AP1G1: variants seen among roughly 807,000 people sequenced by gnomAD.
AP1G1 encodes the protein AP-1 complex subunit gamma-1.
AP1G1 carries 7 observed loss-of-function variants against 108.3 expected under a neutral mutation model. That is an observed-to-expected ratio of 0.06 (90% confidence interval 0.04 to 0.12). AP1G1 has a LOEUF of 0.12. AP1G1 is among the 10% of genes least tolerant of loss of function. AP1G1 has a pLI of 1.00. For missense variants in AP1G1, 756 were observed against 1,010.7 expected (o/e 0.75, Z 3.42); for synonymous variants, 379 against 353.5 (o/e 1.07, Z -0.81).
chr16:71,799,190 G>A (rs1325186985), intron 1 of AP1G1, among the ~76,000 whole-genome samples: 1 of 152,146 alleles, frequency 6.6e-6, no homozygotes, highest in Non-Finnish European at 1.5e-5. Flanking sequence ...ATATGGAGAA[G>A]TTACTGCTAT....
chr16:71,745,690 G>T, intron 17 of AP1G1, 76 bp from the exon 18 acceptor site: 3 of 1,275,418 alleles, frequency 2.4e-6, no homozygotes, highest in South Asian at 1.2e-5. Flanking sequence ...CATTAACTAT[G>T]TTGAGCCCAA....
chr16:71,745,567 T>C lies in AP1G1; in HGVS notation c.1778A>G (p.Asn593Ser). The C allele has an allele frequency of 6.2e-7, 1 of 1,614,196 alleles. No individual in the cohort carries two copies. The highest frequency in any genetic ancestry group is 8.5e-7 in the Non-Finnish European group (1 of 1,180,026). The change falls in exon 18 of 23, where the codon AAT (asparagine) becomes AGT (serine). Residue 593 changes from asparagine (N) to serine (S), a missense_variant. Asn to Ser is a conservative substitution (Grantham distance 46). Transcript: ENST00000299980. ...RMPVMEKVTTNGPTEIVQTNG... is the reference protein window; with the variant it reads ...RMPVMEKVTTSGPTEIVQTNG... ...TGTCTGCACAATCTCAGTAGGGCCATTTGTGGTCACTTTTTCCATGACAGG... is the reference window on the plus strand; with the variant it reads ...TGTCTGCACAATCTCAGTAGGGCCACTTGTGGTCACTTTTTCCATGACAGG...
chr16:71,750,059 T>G (rs2030404143), intron 14 of AP1G1, 76 bp from the exon 15 acceptor site: 2 of 1,492,568 alleles, frequency 1.3e-6, no homozygotes, highest in Non-Finnish European at 1.9e-6. Context: ...ATAGGTCATC[T>G]CATAATAAAG....
intron 21 of AP1G1, among the ~76,000 whole-genome samples, chr16:71,738,090 C>T (rs1208888363): frequency 6.6e-6 from 1 of 152,222 alleles, no homozygotes; most frequent in Non-Finnish European, 1.5e-5. Context: ...CTCTGTCACC[C>T]AGGCTGGAGT....
chr16:71,793,544 A>G (rs1406126305), intron 1 of AP1G1, among the ~76,000 whole-genome samples: 2 of 152,212 alleles, frequency 1.3e-5, no homozygotes, highest in African/African-American at 4.8e-5. Context: ...CAAATAAATA[A>G]AAACCTATAT....
At chr16:71,756,951 C>G (rs531678155) in intron 11 of AP1G1, among the ~76,000 whole-genome samples, 115 of 143,046 alleles carry the variant, frequency 8.0e-4, no homozygotes, top group Non-Finnish European at 1.1e-3. Flanking sequence ...AAAAAAAATT[C>G]AAAGGGAAAA....
At chr16:71,781,889 T>G (rs1263289479) in intron 2 of AP1G1, among the ~76,000 whole-genome samples, 1 of 152,234 alleles carries the variant, frequency 6.6e-6, no homozygotes, top group Non-Finnish European at 1.5e-5. Context: ...TTTTGCTTTG[T>G]TCTGTTGTGA....
Position 71,801,859 on chromosome 16 carries a change from T to C in AP1G1, c.-4+6904A>G, listed in dbSNP as rs547960728. Among the ~76,000 whole-genome samples the C allele has an allele frequency of 4.0e-5, 6 of 150,454 alleles. No individual in the cohort carries two copies. The East Asian group carries it at 1.2e-3, about 29-fold the overall frequency. The stretch of plus-strand genomic sequence containing the variant: ...ATGGCATGAACCCGGGAGGCGGAGC[T>C]TGCAGTGAGCCGAGATTGCGCCACT... On this transcript the variant is annotated intron_variant, in intron 1 of 22. Coordinates refer to ENST00000299980, the MANE Select transcript of AP1G1 (RefSeq NM_001128.6).
At chr16:71,744,774 C>G (rs2030084843) in intron 19 of AP1G1, among the ~76,000 whole-genome samples, 1 of 152,040 alleles carries the variant, frequency 6.6e-6, no homozygotes, top group Non-Finnish European at 1.5e-5. Flanking sequence ...TGGCGTTTCA[C>G]CATGTTGGCC....
chr16:71,745,141 C>T lies in AP1G1; in HGVS notation c.1999+3G>A. 6.2e-7 allele frequency: 1 copy of T among 1,614,070 alleles called. No individual in the cohort carries two copies. Among genetic ancestry groups the T allele is most frequent in the Non-Finnish European group, 8.5e-7 (1 of 1,180,014 alleles). On this transcript the variant is annotated splice_donor_region_variant and intron_variant, in intron 19 of 22. Coordinates refer to ENST00000299980, the MANE Select transcript of AP1G1 (RefSeq NM_001128.6). ...GGTATTAAATAGCTCCAGACTGCCT[C>T]ACCTGTAAGGTTGATGTCTCCCAGC...
In AP1G1 at chr16:71,808,702, G is replaced by A. The variant is rs1035290349; in HGVS notation, c.-4+61C>T. On this transcript the variant is annotated intron_variant, in intron 1 of 22. Transcript: ENST00000299980. ...ACTGAAAGGAAGCTTCCGGTCGAGC[G>A]CCCGCGGCAGCGGCGGGGCAAAAGC... 25 of 1,285,300 alleles carry A rather than the reference G, an allele frequency of 1.9e-5. 1 individual carries two copies. The highest frequency in any genetic ancestry group is 2.4e-5 in the Non-Finnish European group (24 of 985,508). 79.6% of individuals were successfully genotyped at this position (1,285,300 alleles called of 1,614,324 possible).
At chr16:71,768,917 C>CAAAAAAAAAAA (rs58725744) in intron 6 of AP1G1, among the ~76,000 whole-genome samples, 6 of 42,184 alleles carry the variant, frequency 1.4e-4, no homozygotes, top group Non-Finnish European at 1.9e-4. Flanking sequence ...GACTCTGTCT[C>CAAAAAAAAAAA]AAAAAAAAAA....
intron 9 of AP1G1, among the ~76,000 whole-genome samples, chr16:71,763,409 A>C (rs991735632): frequency 2.6e-5 from 4 of 152,238 alleles, no homozygotes; most frequent in Non-Finnish European, 5.9e-5. Context: ...CTTTAAGAAC[A>C]CAAAAAAGTT....
At chr16:71,783,574 T>C (rs1053170127) in intron 2 of AP1G1, among the ~76,000 whole-genome samples, 1 of 152,146 alleles carries the variant, frequency 6.6e-6, no homozygotes, top group Non-Finnish European at 1.5e-5. Flanking sequence ...TGTATAAGAC[T>C]GTACAGAAAA....
At chr16:71,745,358 A>T (rs1415888802) in intron 18 of AP1G1, 88 bp from the exon 19 acceptor site, 3 of 1,599,818 alleles carry the variant, frequency 1.9e-6, no homozygotes, top group Non-Finnish European at 2.6e-6. Context: ...TGTAAAAATA[A>T]GGAAGGAAAT....
At chr16:71,790,085 A>T (rs2032341862) in intron 1 of AP1G1, among the ~76,000 whole-genome samples, 1 of 113,810 alleles carries the variant, frequency 8.8e-6, no homozygotes, top group African/African-American at 3.4e-5. Flanking sequence ...TAGTGTCATG[A>T]ATATCTTTTA....
At chr16:71,770,870 G>T (rs770709864) in intron 5 of AP1G1, among the ~76,000 whole-genome samples, 2 of 152,144 alleles carry the variant, frequency 1.3e-5, no homozygotes, top group Non-Finnish European at 2.9e-5. Flanking sequence ...TTATGGGTAG[G>T]CTCATTTGTA....
chr16:71,761,816 C>CAAAAAAA (rs375647068), intron 9 of AP1G1, among the ~76,000 whole-genome samples: 1 of 44,836 alleles, frequency 2.2e-5, no homozygotes, highest in African/African-American at 8.0e-5. Flanking sequence ...GACTCCATCT[C>CAAAAAAA]AAAAAAAAAA....
At chr16:71,805,133 A>G (rs1210189136) in intron 1 of AP1G1, among the ~76,000 whole-genome samples, 1 of 152,108 alleles carries the variant, frequency 6.6e-6, no homozygotes, top group Non-Finnish European at 1.5e-5. Flanking sequence ...AACAGAGAAT[A>G]AAGAAAGCCA....
Sources: gnomAD v4.1 joint callset for allele counts (sites outside exome capture counted in the v4.1 genomes callset) on GRCh38, gnomAD v4.1.1 for gene constraint, MANE v1.5 for transcripts, NCBI Gene and HGNC (gene_info 2026-07-23, HGNC 2026-07-21) for gene names.